Variants in OSBPL10 observed in about 807,000 individuals in gnomAD.
OSBPL10 encodes the protein oxysterol-binding protein-related protein 10.
A neutral mutation model predicts 81.7 loss-of-function variants in OSBPL10; 49 were observed. That is an observed-to-expected ratio of 0.60 (90% CI 0.48 to 0.76). The LOEUF (loss-of-function observed/expected upper bound fraction) is 0.76, where lower values mean the gene tolerates loss of function less well. Ranked by LOEUF, OSBPL10 falls within the 30% of genes least tolerant of loss-of-function variation. The pLI, the probability that OSBPL10 is intolerant of heterozygous loss-of-function variation, is 0.00. For missense variants in OSBPL10, 923 were observed against 987.8 expected (o/e 0.93, Z 0.88); for synonymous variants, 419 against 383.6 (o/e 1.09, Z -1.08).
chr3:31,912,122 G>A (rs559839985), intron 1 of OSBPL10, among the ~76,000 whole-genome samples: 20 of 152,234 alleles, frequency 1.3e-4, no homozygotes, highest in African/African-American at 4.3e-4. Context: ...TTGGCTGGGC[G>A]CAGTGGCTCA....
chr3:32,051,770 T>C (rs1402256025), intron 1 of OSBPL10, among the ~76,000 whole-genome samples: 1 of 152,188 alleles, frequency 6.6e-6, no homozygotes, highest in Non-Finnish European at 1.5e-5. Flanking sequence ...AACTACTAGA[T>C]CTTCTTGTCT....
At chr3:31,665,421 ACAG>A (rs1467315073) in intron 10 of OSBPL10, among the ~76,000 whole-genome samples, 2 of 152,178 alleles carry the variant, frequency 1.3e-5, no homozygotes, top group East Asian at 3.9e-4. Flanking sequence ...GAGCATATCT[ACAG>A]CGGGTGTCCT....
intron 3 of OSBPL10, among the ~76,000 whole-genome samples, chr3:31,835,285 C>T (rs544439110): frequency 1.3e-5 from 2 of 152,306 alleles, no homozygotes; most frequent in African/African-American, 4.8e-5. Flanking sequence ...ATCCAATCTA[C>T]ATGGGTTACC....
intron 4 of OSBPL10, among the ~76,000 whole-genome samples, chr3:31,809,170 C>T (rs1051700443): frequency 8.5e-5 from 13 of 152,240 alleles, no homozygotes; most frequent in Middle Eastern, 3.4e-3. Flanking sequence ...ATATTCGCAA[C>T]GGATGAGTTT....
intron 7 of OSBPL10, among the ~76,000 whole-genome samples, chr3:31,690,122 C>T (rs1365510400): frequency 6.6e-6 from 1 of 152,118 alleles, no homozygotes; most frequent in East Asian, 1.9e-4. Context: ...ACCCAAGTCT[C>T]ATGTCAAATT....
chr3:31,984,751 G>A (rs759795316), upstream of OSBPL10, among the ~76,000 whole-genome samples: 1 of 152,146 alleles, frequency 6.6e-6, no homozygotes, highest in Non-Finnish European at 1.5e-5. Context: ...AAACAAGGAG[G>A]GAATAGTTTT....
intron 1 of OSBPL10, among the ~76,000 whole-genome samples, chr3:31,946,921 G>A (rs1697720246): frequency 1.3e-5 from 2 of 152,186 alleles, no homozygotes; most frequent in South Asian, 4.1e-4. Flanking sequence ...CCAGATGCAA[G>A]GAGCATCGAA....
intron 6 of OSBPL10, among the ~76,000 whole-genome samples, chr3:31,723,901 A>G (rs530460315): frequency 2.0e-5 from 3 of 152,224 alleles, no homozygotes; most frequent in African/African-American, 4.8e-5. Context: ...GTGGGAAAAT[A>G]AAAATATAAG....
chr3:31,871,610 C>T (rs552338326), intron 3 of OSBPL10, among the ~76,000 whole-genome samples: 312 of 152,316 alleles, frequency 2.0e-3, no homozygotes, highest in Non-Finnish European at 3.1e-3. Flanking sequence ...GTGGCTCATG[C>T]CTATAATCCC....
intron 4 of OSBPL10, among the ~76,000 whole-genome samples, chr3:31,754,358 G>A (rs1167368671): frequency 6.6e-6 from 1 of 152,144 alleles, no homozygotes; most frequent in African/African-American, 2.4e-5. Flanking sequence ...TCTCTCAGTA[G>A]GGCTAAGAGA....
chr3:32,053,423 G>A (rs547845618), intron 1 of OSBPL10, among the ~76,000 whole-genome samples: 1 of 151,258 alleles, frequency 6.6e-6, no homozygotes, highest in Non-Finnish European at 1.5e-5. Flanking sequence ...AGTTAAAGGG[G>A]TATTACTCAG....
chr3:31,694,735 C>G (rs1033864824), intron 7 of OSBPL10, among the ~76,000 whole-genome samples: 3 of 152,100 alleles, frequency 2.0e-5, no homozygotes, highest in Admixed American at 6.6e-5. Context: ...TCTTTCAAAG[C>G]ATAAATCTTT....
intron 4 of OSBPL10, among the ~76,000 whole-genome samples, chr3:31,807,269 A>T (rs1345156214): frequency 6.6e-6 from 1 of 152,012 alleles, no homozygotes; most frequent in Non-Finnish European, 1.5e-5. Flanking sequence ...AATCCCAGCT[A>T]GTCGGGAGGC....
intron 4 of OSBPL10, among the ~76,000 whole-genome samples, chr3:31,808,358 A>G (rs1417077675): frequency 1.3e-5 from 2 of 152,236 alleles, no homozygotes; most frequent in Non-Finnish European, 2.9e-5. Flanking sequence ...GTCAGGTGTC[A>G]TGTTGGGAGA....
chr3:31,927,478 G>A (rs983528569), intron 1 of OSBPL10, among the ~76,000 whole-genome samples: 2 of 152,146 alleles, frequency 1.3e-5, no homozygotes, highest in African/African-American at 4.8e-5. Context: ...CTCAAAAACG[G>A]ATCACACACT....
At chr3:32,025,510 G>T (rs539604867) in intron 2 of OSBPL10, among the ~76,000 whole-genome samples, 16 of 152,068 alleles carry the variant, frequency 1.1e-4, no homozygotes, top group Admixed American at 2.6e-4. Context: ...GGTTAATGCT[G>T]CCCTCATTGA....
intron 4 of OSBPL10, among the ~76,000 whole-genome samples, chr3:31,802,674 T>C (rs1699415205): frequency 6.6e-6 from 1 of 152,100 alleles, no homozygotes. Context: ...CAGCTCTTAG[T>C]AGGGCATTTT....
chr3:31,711,969 G>C (rs1019136497), intron 6 of OSBPL10, among the ~76,000 whole-genome samples: 12 of 152,220 alleles, frequency 7.9e-5, no homozygotes, highest in African/African-American at 2.9e-4. Flanking sequence ...GTGATCAGAG[G>C]GGCTCACACA....
chr3:31,876,921 T>TTG (rs1701488472), intron 2 of OSBPL10, among the ~76,000 whole-genome samples: 2 of 149,870 alleles, frequency 1.3e-5, no homozygotes, highest in Non-Finnish European at 3.0e-5. Flanking sequence ...TTTTTTTTTT[T>TTG]GAGACGGAGT....
Sources: gnomAD v4.1 joint callset for allele counts (sites outside exome capture counted in the v4.1 genomes callset) on GRCh38, gnomAD v4.1.1 for gene constraint, MANE v1.5 for transcripts, NCBI Gene and HGNC (gene_info 2026-07-23, HGNC 2026-07-21) for gene names.